Variants in LINC00632 observed in about 807,000 individuals in gnomAD.
LINC00632 encodes ALDOA related specific transcript.
intron 3 of LINC00632, among the ~76,000 whole-genome samples, chrX:140,745,239 G>A (rs967160901): frequency 9.1e-6 from 1 of 109,645 alleles, no homozygotes; most frequent in African/African-American, 3.3e-5. Flanking sequence ...TCAGTCTCTG[G>A]CCATATTCAT....
chrX:140,747,529 CAAAAAAAAAA>C (rs376796176), intron 3 of LINC00632, among the ~76,000 whole-genome samples: 1 of 63,250 alleles, frequency 1.6e-5, no homozygotes, highest in Non-Finnish European at 2.9e-5. Flanking sequence ...AAACTCCATC[CAAAAAAAAAA>C]AAAAAAAAGG....
In LINC00632 at chrX:140,758,668, G is replaced by A. The variant is rs368391291; in HGVS notation, n.192-13410G>A. 2.7e-5 allele frequency among the ~76,000 whole-genome samples: 3 copies of A among 111,566 alleles called. No homozygotes were observed. The East Asian group carries it at 8.5e-4, about 32-fold the overall frequency. Reference sequence around the variant, plus strand: ...GCTGGGATTACAGGCGTGAGCCACCGTCCCTGGCTGAAAGTTATATTTTCC... The same window carrying A: ...GCTGGGATTACAGGCGTGAGCCACCATCCCTGGCTGAAAGTTATATTTTCC... On this transcript the variant is annotated intron_variant and non_coding_transcript_variant, in intron 3 of 4. Transcript: ENST00000648200.
rs1223390429 is a variant in LINC00632, at chrX:140,757,491, C to T, written n.192-14587C>T. Among the ~76,000 whole-genome samples, 4 of 111,277 alleles carry T rather than the reference C, an allele frequency of 3.6e-5. No individual in the cohort carries two copies. The South Asian group carries it at 1.1e-3, about 32-fold the overall frequency. The stretch of plus-strand genomic sequence containing the variant: ...TTCTTAATTAGAAGGGCAGAATAAA[C>T]GGAGGGACACCAAAGAGATAGGATC... On this transcript the variant is annotated intron_variant and non_coding_transcript_variant, in intron 3 of 4. Transcript: ENST00000648200.
chrX:140,743,135 G>C (rs1240738500), intron 3 of LINC00632, among the ~76,000 whole-genome samples: 3 of 99,152 alleles, frequency 3.0e-5, no homozygotes, highest in African/African-American at 1.2e-4. Context: ...TGAGGCAGGA[G>C]AATTGCTTAA....
intron 3 of LINC00632, among the ~76,000 whole-genome samples, chrX:140,769,415 G>A (rs1189907645): frequency 9.0e-6 from 1 of 110,560 alleles, no homozygotes; most frequent in Non-Finnish European, 1.9e-5. Context: ...TTTGCAAGTG[G>A]CAATTCTAAA....
At chrX:140,787,974 T>C (rs1020003945) in exon 5 of LINC00632, among the ~76,000 whole-genome samples, 6 of 110,644 alleles carry the variant, frequency 5.4e-5, no homozygotes, top group Non-Finnish European at 1.1e-4. Flanking sequence ...GTTCTACAGC[T>C]ACACATAACA....
chrX:140,727,992 G>A (rs1267868508), intron 2 of LINC00632, among the ~76,000 whole-genome samples: 1 of 111,600 alleles, frequency 9.0e-6, no homozygotes, highest in African/African-American at 3.3e-5. Flanking sequence ...TGTAATCCCA[G>A]CACCTTGGGA....
exon 5 of LINC00632, among the ~76,000 whole-genome samples, chrX:140,789,523 T>G (rs1266524598): frequency 8.9e-6 from 1 of 111,937 alleles, no homozygotes; most frequent in Non-Finnish European, 1.9e-5. Flanking sequence ...TACAATTTTT[T>G]TGCACTTTTA....
intron 3 of LINC00632, among the ~76,000 whole-genome samples, chrX:140,741,846 A>C (rs1273164947): frequency 8.9e-6 from 1 of 112,404 alleles, no homozygotes; most frequent in Non-Finnish European, 1.9e-5. Flanking sequence ...TCTTGCTATG[A>C]AATGCAATGG....
rs1483982872 is a variant in LINC00632 at position 140,710,925 on chromosome X, G to A, written n.69-696G>A. 5.4e-5 allele frequency among the ~76,000 whole-genome samples: 6 copies of A among 111,214 alleles called. No homozygotes were observed. In the Admixed American group the frequency reaches 5.8e-4, roughly 11 times the overall value. ...GAGGGGGTGTTGAACAGAGCACTGCGGCAAAGAGAGTGACTGACGCATCCA... is the reference window on the plus strand; with the variant it reads ...GAGGGGGTGTTGAACAGAGCACTGCAGCAAAGAGAGTGACTGACGCATCCA... On this transcript the variant is annotated intron_variant and non_coding_transcript_variant, in intron 1 of 4. Transcript: ENST00000648200.
intron 2 of LINC00632, among the ~76,000 whole-genome samples, chrX:140,728,254 AAG>A: frequency 9.5e-6 from 1 of 104,867 alleles, no homozygotes; most frequent in African/African-American, 3.3e-5. Flanking sequence ...AAAAAAAAAA[AAG>A]AAAGAAAGAA....
chrX:140,757,636 G>A (rs758540137), intron 3 of LINC00632, among the ~76,000 whole-genome samples: 8 of 111,155 alleles, frequency 7.2e-5, no homozygotes, highest in African/African-American at 2.6e-4. Flanking sequence ...GCGCAATCTC[G>A]GCTCACTGCA....
chrX:140,738,641 G>A (rs960017151), intron 3 of LINC00632, among the ~76,000 whole-genome samples: 1 of 112,138 alleles, frequency 8.9e-6, no homozygotes, highest in Non-Finnish European at 1.9e-5. Flanking sequence ...CAGATATGCT[G>A]TAAGTATAGA....
chrX:140,719,488 T>TA (rs1930692748), intron 2 of LINC00632, among the ~76,000 whole-genome samples: 1 of 109,406 alleles, frequency 9.1e-6, no homozygotes, highest in Non-Finnish European at 1.9e-5. Flanking sequence ...TAGTAGAGAC[T>TA]AGGTTTCATT....
intron 2 of LINC00632, among the ~76,000 whole-genome samples, chrX:140,732,323 T>C (rs150722691): frequency 8.9e-6 from 1 of 112,181 alleles, no homozygotes; most frequent in Non-Finnish European, 1.9e-5. Context: ...TACACTCAGA[T>C]GCCATGTATA....
Position 140,778,703 on chromosome X carries a change from C to T in LINC00632, n.6722C>T, listed in dbSNP as rs749790649. Reference sequence around the variant, plus strand: ...TGGCCATTTTTTTATTTATTTTGACCAGAATTAGAGAAATAAAAGGTTAAA... The same window carrying T: ...TGGCCATTTTTTTATTTATTTTGACTAGAATTAGAGAAATAAAAGGTTAAA... On this transcript the variant is annotated non_coding_transcript_exon_variant, in exon 5 of 5. Transcript: ENST00000648200. Among the ~76,000 whole-genome samples, 621 of 109,579 alleles carry T rather than the reference C, an allele frequency of 5.7e-3. 2 individuals carry two copies. Among genetic ancestry groups the T allele is most frequent in the African/African-American group, 0.019 (584 of 30,095 alleles).
intron 2 of LINC00632, chrX:140,733,773 A>C (rs888368194): frequency 1.8e-5 from 2 of 112,614 alleles, no homozygotes; most frequent in Non-Finnish European, 3.7e-5. Flanking sequence ...AGCGGTGATA[A>C]GGGATTATTA....
intron 3 of LINC00632, among the ~76,000 whole-genome samples, chrX:140,748,966 AATAAGT>A (rs1005934020): frequency 1.8e-5 from 2 of 108,957 alleles, no homozygotes; most frequent in Admixed American, 1.0e-4. Flanking sequence ...TAATTGTAAT[AATAAGT>A]ATAAGTAACT....
intron 3 of LINC00632, among the ~76,000 whole-genome samples, chrX:140,734,604 AC>A (rs1216240634): frequency 1.8e-5 from 2 of 110,612 alleles, no homozygotes; most frequent in African/African-American, 6.6e-5. Context: ...CAAAAAGCAT[AC>A]AAGAATTGAA....
Sources: gnomAD v4.1 joint callset for allele counts (sites outside exome capture counted in the v4.1 genomes callset) on GRCh38, gnomAD v4.1.1 for gene constraint, MANE v1.5 for transcripts, NCBI Gene and HGNC (gene_info 2026-07-23, HGNC 2026-07-21) for gene names.